The following KATNAL2 variants were observed in gnomAD, a reference collection of about 807,000 sequenced individuals.
The protein encoded by KATNAL2 is katanin catalytic subunit A1 like 2.
A neutral mutation model predicts 76.3 loss-of-function variants in KATNAL2; 52 were observed. The ratio of observed to expected loss-of-function variants is 0.68; its 90% CI spans 0.55 to 0.86. The LOEUF is 0.86. Among genes scored for constraint, KATNAL2 ranks in the 40% least tolerant of loss-of-function variants. KATNAL2 has a pLI of 0.00. For missense variants in KATNAL2, 660 were observed against 668.9 expected (o/e 0.99, Z 0.15); for synonymous variants, 243 against 244.2 (o/e 1.00, Z 0.05).
chr18:46,946,985 G>A (rs893871353), intron 3 of KATNAL2, 62 bp downstream of exon 3: 1 of 1,161,164 alleles, frequency 8.6e-7, no homozygotes, highest in African/African-American at 1.5e-5. Context: ...GTTGCTGCGG[G>A]ACGATTCCGA....
chr18:47,088,607 C>A (rs1356916004), intron 15 of KATNAL2, among the ~76,000 whole-genome samples: 1 of 152,004 alleles, frequency 6.6e-6, no homozygotes, highest in East Asian at 1.9e-4. Flanking sequence ...AGAGGGGGGT[C>A]TCACTCTGTT....
chr18:47,037,130 C>T (rs762100668), intron 3 of KATNAL2, among the ~76,000 whole-genome samples: 10 of 152,126 alleles, frequency 6.6e-5, no homozygotes, highest in African/African-American at 9.7e-5. Flanking sequence ...GAAATTGAAA[C>T]GAGCTCATGC....
intron 15 of KATNAL2, among the ~76,000 whole-genome samples, chr18:47,088,977 T>C (rs901372563): frequency 2.6e-5 from 4 of 152,220 alleles, no homozygotes; most frequent in African/African-American, 9.6e-5. Context: ...TGCCTTCCAT[T>C]GCTAGTGGGG....
intron 7 of KATNAL2, among the ~76,000 whole-genome samples, chr18:47,058,941 A>T (rs1357124093): frequency 6.6e-6 from 1 of 152,144 alleles, no homozygotes; most frequent in Non-Finnish European, 1.5e-5. Flanking sequence ...CTGACTCAGG[A>T]GGCTCATGTC....
rs540623782 is a variant in KATNAL2 at position 46,959,457 on chromosome 18, C to A, written c.51+12534C>A. Reference sequence around the variant, plus strand: ...TAATGCCACATTAGTACTCTTGGAACCTTTTTTTTAAAAAAAACTAACTGA... The same window carrying A: ...TAATGCCACATTAGTACTCTTGGAAACTTTTTTTTAAAAAAAACTAACTGA... On this transcript the variant is annotated intron_variant, in intron 3 of 17. Transcript: ENST00000683218. 1.1e-4 allele frequency among the ~76,000 whole-genome samples: 16 copies of A among 152,126 alleles called. No individual in the cohort carries two copies. The East Asian group carries it at 1.2e-3, about 11-fold the overall frequency.
intron 1 of KATNAL2, among the ~76,000 whole-genome samples, chr18:46,928,830 C>G (rs541188021): frequency 6.6e-6 from 1 of 152,210 alleles, no homozygotes; most frequent in African/African-American, 2.4e-5. Flanking sequence ...GAGTCTCACT[C>G]TGTTGCCCAG....
intron 3 of KATNAL2, among the ~76,000 whole-genome samples, chr18:46,955,712 C>T (rs1057147172): frequency 4.6e-5 from 7 of 152,120 alleles, no homozygotes; most frequent in South Asian, 4.2e-4. Flanking sequence ...CCACTATTCC[C>T]GGCTAATTTT....
At chr18:47,033,689 C>T in intron 3 of KATNAL2, 4 of 1,614,176 alleles carry the variant, frequency 2.5e-6, no homozygotes, top group Non-Finnish European at 3.4e-6. Flanking sequence ...AGCGTCGGCA[C>T]CTGGAGCTGG....
chr18:47,043,875 A>G (rs1179580133), intron 3 of KATNAL2, among the ~76,000 whole-genome samples: 2 of 152,190 alleles, frequency 1.3e-5, no homozygotes, highest in Non-Finnish European at 2.9e-5. Context: ...TTTTGGCTCC[A>G]CAGTGAACAA....
At chr18:46,936,363 C>T (rs2059090945) in intron 1 of KATNAL2, among the ~76,000 whole-genome samples, 1 of 152,092 alleles carries the variant, frequency 6.6e-6, no homozygotes, top group African/African-American at 2.4e-5. Flanking sequence ...ACAGTCTGTG[C>T]ACAATTAAGC....
chr18:46,955,703 C>T (rs950294306), intron 3 of KATNAL2, among the ~76,000 whole-genome samples: 1 of 152,228 alleles, frequency 6.6e-6, no homozygotes, highest in East Asian at 1.9e-4. Context: ...AGGCATGCAC[C>T]ACTATTCCCG....
intron 3 of KATNAL2, chr18:47,034,263 G>C (rs540412608): frequency 5.0e-6 from 8 of 1,613,956 alleles, no homozygotes; most frequent in Middle Eastern, 3.3e-4. Context: ...CTTTCTCCTC[G>C]GGCGACAGGC....
chr18:46,955,106 C>CCTTA (rs1198967801), intron 3 of KATNAL2, among the ~76,000 whole-genome samples: 1 of 35,104 alleles, frequency 2.8e-5, no homozygotes, highest in Non-Finnish European at 6.8e-5. Flanking sequence ...TCCCTCCCTC[C>CCTTA]CTTCCTTCCT....
At chr18:47,091,626 G>A (rs1304489270) in intron 15 of KATNAL2, among the ~76,000 whole-genome samples, 1 of 152,140 alleles carries the variant, frequency 6.6e-6, no homozygotes, top group South Asian at 2.1e-4. Context: ...TCAGAGAGTT[G>A]CACTTATTTT....
At chr18:47,034,560 G>T (rs773167844) in intron 3 of KATNAL2, 10 of 1,614,240 alleles carry the variant, frequency 6.2e-6, no homozygotes, top group Non-Finnish European at 6.8e-6. Context: ...CACACAAGGG[G>T]CGTTTTTCCT....
At chr18:47,033,094 G>T (rs757395128) in intron 3 of KATNAL2, 14 of 1,613,952 alleles carry the variant, frequency 8.7e-6, no homozygotes. Flanking sequence ...GGTTTTGGCC[G>T]CGGGCGCCGC....
At chr18:47,070,282 T>TA (rs34339215) in intron 13 of KATNAL2, among the ~76,000 whole-genome samples, 12 of 151,098 alleles carry the variant, frequency 7.9e-5, no homozygotes, top group African/African-American at 1.7e-4. Flanking sequence ...GTATTTTTAG[T>TA]AAAAAAAAGG....
intron 3 of KATNAL2, among the ~76,000 whole-genome samples, chr18:47,031,665 A>T (rs980205852): frequency 6.6e-6 from 1 of 152,068 alleles, no homozygotes; most frequent in African/African-American, 2.4e-5. Context: ...TTTAGTAGAG[A>T]TGGGATCTTT....
At chr18:46,959,861 C>T (rs558464885) in intron 3 of KATNAL2, among the ~76,000 whole-genome samples, 4 of 152,294 alleles carry the variant, frequency 2.6e-5, no homozygotes, top group African/African-American at 7.2e-5. Context: ...AGGTGTGAGC[C>T]ACCACGCCTG....
Sources: gnomAD v4.1 joint callset for allele counts (sites outside exome capture counted in the v4.1 genomes callset) on GRCh38, gnomAD v4.1.1 for gene constraint, MANE v1.5 for transcripts, NCBI Gene and HGNC (gene_info 2026-07-23, HGNC 2026-07-21) for gene names.